VGLL3: variants seen among roughly 807,000 people sequenced by gnomAD.
VGLL3 encodes transcription cofactor vestigial-like protein 3.
Under a neutral mutation model 29.2 loss-of-function variants are expected in VGLL3, and 18 were observed. The observed-to-expected ratio is 0.62, with a 90% CI of 0.43 to 0.91. The LOEUF (loss-of-function observed/expected upper bound fraction) is 0.91, where lower values mean the gene tolerates loss of function less well. Ranked by LOEUF, VGLL3 falls within the 40% of genes least tolerant of loss-of-function variation. The pLI is 0.00. For synonymous variants in VGLL3, 180 were observed against 151.8 expected, an observed-to-expected ratio of 1.19 and a Z score of -1.36; for missense variants, 440 against 413.2, an observed-to-expected ratio of 1.06 and a Z score of -0.56.
intron 3 of VGLL3, among the ~76,000 whole-genome samples, chr3:86,958,239 T>C (rs1349088988): frequency 6.6e-6 from 1 of 152,138 alleles, no homozygotes; most frequent in African/African-American, 2.4e-5. Flanking sequence ...CTTCTATTTA[T>C]GGGAGGTAGA....
At chr3:86,983,378 T>A (rs946542271) in intron 1 of VGLL3, among the ~76,000 whole-genome samples, 28 of 152,108 alleles carry the variant, frequency 1.8e-4, no homozygotes, top group Admixed American at 1.0e-3. Context: ...CCATATATAT[T>A]TTTTTTCTTT....
rs1477618469 is a variant in VGLL3, at chr3:86,938,296, G to A, written c.*8728C>T. ...TTTTGTAAGAAAAATGATAACACTGGACAGATTTTTCATGTAGCCATTTTC... is the reference window on the plus strand; with the variant it reads ...TTTTGTAAGAAAAATGATAACACTGAACAGATTTTTCATGTAGCCATTTTC... On this transcript the variant is annotated 3_prime_UTR_variant, in exon 4 of 4. Transcript: ENST00000398399. 6.6e-6 allele frequency: 1 copy of A among 152,180 alleles called. No homozygotes were observed. Among genetic ancestry groups the A allele is most frequent in the Non-Finnish European group, 1.5e-5 (1 of 68,010 alleles). The allele number at this position is 152,180 out of a possible 1,614,324, so 9.4% of individuals were successfully genotyped here. A position where few individuals can be genotyped will look rare whatever the true frequency, so the allele number is the denominator to read the frequency against.
intron 3 of VGLL3, 89 bp downstream of exon 3, chr3:86,968,501 G>C (rs1705010570): frequency 7.0e-7 from 1 of 1,422,756 alleles, no homozygotes; most frequent in East Asian, 2.3e-5. Context: ...TAACTTTACA[G>C]ATAAGAAAAA....
Position 86,949,682 on chromosome 3 carries a change from C to T in VGLL3, c.938-2615G>A, listed in dbSNP as rs551032103. Among the ~76,000 whole-genome samples the T allele has an allele frequency of 6.1e-3, 926 of 151,782 alleles. 6 individuals carry two copies. The highest frequency in any genetic ancestry group is 0.021 in the African/African-American group (889 of 41,396). Reference sequence around the variant, plus strand: ...TCCACTAAAAACACAAAAAATTAGCCGGGCGTGATGGCGGGCGCCCTGTAG... The same window carrying T: ...TCCACTAAAAACACAAAAAATTAGCTGGGCGTGATGGCGGGCGCCCTGTAG... On this transcript the variant is annotated intron_variant, in intron 3 of 3. Coordinates refer to ENST00000398399, the MANE Select transcript of VGLL3 (RefSeq NM_016206.4).
intron 3 of VGLL3, among the ~76,000 whole-genome samples, chr3:86,955,775 A>T (rs1311981891): frequency 1.3e-5 from 2 of 152,220 alleles, no homozygotes; most frequent in Non-Finnish European, 2.9e-5. Flanking sequence ...AAACATAAAT[A>T]GGGCTTCAAT....
intron 1 of VGLL3, among the ~76,000 whole-genome samples, chr3:86,984,920 G>A (rs1282375944): frequency 6.6e-6 from 1 of 152,090 alleles, no homozygotes; most frequent in Non-Finnish European, 1.5e-5. Flanking sequence ...AAATTCAAAA[G>A]ATAACATAGG....
At chr3:86,956,453 C>G (rs1704723777) in intron 3 of VGLL3, among the ~76,000 whole-genome samples, 1 of 152,202 alleles carries the variant, frequency 6.6e-6, no homozygotes. Context: ...AGAAAACTCT[C>G]AAAAGATGAT....
intron 1 of VGLL3, among the ~76,000 whole-genome samples, chr3:86,979,798 T>C (rs1344816304): frequency 6.6e-6 from 1 of 152,056 alleles, no homozygotes; most frequent in Non-Finnish European, 1.5e-5. Context: ...TTCTGAGGAA[T>C]GGCAGGGAGG....
chr3:86,949,283 T>C (rs182087807), intron 3 of VGLL3, among the ~76,000 whole-genome samples: 4 of 152,318 alleles, frequency 2.6e-5, no homozygotes, highest in Non-Finnish European at 1.5e-5. Flanking sequence ...TAAATTCATA[T>C]ATTCAATTTC....
In VGLL3 at chr3:86,940,102, A is replaced by C. The variant is rs1277444180; in HGVS notation, c.*6922T>G. The C allele has an allele frequency of 1.3e-5, 2 of 152,200 alleles. No individual in the cohort carries two copies. The highest frequency in any genetic ancestry group is 4.8e-5 in the African/African-American group (2 of 41,450). The allele number at this position is 152,200 out of a possible 1,614,324, so 9.4% of individuals were successfully genotyped here. ...AAATTATTTCATCTGTAATGCTGGA[A>C]AGTCTATTATTTAAATGCTGATTTT... On this transcript the variant is annotated 3_prime_UTR_variant, in exon 4 of 4. Transcript: ENST00000398399.
In VGLL3 at chr3:86,969,121, T is replaced by C. The variant is rs1705033005; in HGVS notation, c.406A>G (p.Ser136Gly). 1 of 1,577,534 alleles carries C rather than the reference T, an allele frequency of 6.3e-7. No homozygotes were observed. The highest frequency in any genetic ancestry group is 2.3e-5 in the East Asian group (1 of 44,402). Residue 136 changes from serine (S) to glycine (G), a missense_variant and splice_region_variant, in exon 3 of 4, where the codon AGC (serine) becomes GGC (glycine). Coordinates refer to ENST00000398399, the MANE Select transcript of VGLL3 (RefSeq NM_016206.4). Reference protein sequence around the residue: ...KMGLTPLWRDSSALSSQRNSF... With the variant: ...KMGLTPLWRDGSALSSQRNSF... ...TTCCGCTGGCTTGAGAGAGCTGAGC[T>C]GTCTGAGAAGACAGAAAATAAAAAA...
rs369422136 is a variant in VGLL3, at chr3:86,981,666, C to T, written c.127-2864G>A. 1.3e-4 allele frequency among the ~76,000 whole-genome samples: 20 copies of T among 151,676 alleles called. No homozygotes were observed. In the East Asian group the frequency reaches 2.5e-3, roughly 19 times the overall value. ...CTTTTTATCTCTCTCGATTCTTTTA[C>T]TAATTAAATAAATTTGCTAGAAAAC... On this transcript the variant is annotated intron_variant, in intron 1 of 3. Transcript: ENST00000398399.
intron 1 of VGLL3, among the ~76,000 whole-genome samples, chr3:86,987,486 G>A (rs1705472562): frequency 6.6e-6 from 1 of 152,112 alleles, no homozygotes; most frequent in African/African-American, 2.4e-5. Flanking sequence ...ACCAGTGACT[G>A]TTCTCTGTCT....
intron 1 of VGLL3, among the ~76,000 whole-genome samples, chr3:86,986,851 C>T (rs1280181326): frequency 6.6e-6 from 1 of 152,072 alleles, no homozygotes; most frequent in East Asian, 1.9e-4. Flanking sequence ...AAGTCATTAG[C>T]ATAATCCAAA....
chr3:86,983,624 G>A (rs1367936543), intron 1 of VGLL3, among the ~76,000 whole-genome samples: 1 of 152,096 alleles, frequency 6.6e-6, no homozygotes, highest in Admixed American at 6.5e-5. Flanking sequence ...GGCCTTAAGT[G>A]ATCCTCCTGC....
chr3:86,978,839 G>A, intron 1 of VGLL3, 37 bp from the exon 2 acceptor site: 13 of 1,519,954 alleles, frequency 8.6e-6, no homozygotes, highest in Non-Finnish European at 1.1e-5. Context: ...ATCAAAGACA[G>A]TTTGTAGAAA....
intron 1 of VGLL3, among the ~76,000 whole-genome samples, chr3:86,987,551 G>C (rs55659084): frequency 2.5e-4 from 38 of 152,288 alleles, no homozygotes; most frequent in African/African-American, 8.2e-4. Flanking sequence ...GAGAGACTGA[G>C]TCAAGGGTTC....
At chr3:86,964,114 A>G (rs1341564250) in intron 3 of VGLL3, among the ~76,000 whole-genome samples, 1 of 152,220 alleles carries the variant, frequency 6.6e-6, no homozygotes, top group East Asian at 1.9e-4. Context: ...GAAGAAAAAA[A>G]GCAGAGTAGC....
In VGLL3 at chr3:86,948,113, T is replaced by C. The variant is rs542216475; in HGVS notation, c.938-1046A>G. On this transcript the variant is annotated intron_variant, in intron 3 of 3. Transcript: ENST00000398399. ...TCACCTGTTTTAGTTCTCTTTGTTT[T>C]TGTACCTGAAGTATAATTGTTTGGA... Among the ~76,000 whole-genome samples, 83 of 152,328 alleles carry C rather than the reference T, an allele frequency of 5.4e-4. 1 individual carries two copies. The highest frequency in any genetic ancestry group is 6.8e-3 in the Middle Eastern group (2 of 294).
Sources: gnomAD v4.1 joint callset for allele counts (sites outside exome capture counted in the v4.1 genomes callset) on GRCh38, gnomAD v4.1.1 for gene constraint, MANE v1.5 for transcripts, NCBI Gene and HGNC (gene_info 2026-07-23, HGNC 2026-07-21) for gene names.